Variants in PDGFRA observed in about 807,000 individuals in gnomAD.
The protein encoded by PDGFRA is platelet-derived growth factor receptor alpha.
In PDGFRA, 25 loss-of-function variants were observed where a neutral mutation model predicts 121.5. The ratio of observed to expected loss-of-function variants is 0.21; its 90% confidence interval spans 0.15 to 0.29. The LOEUF (loss-of-function observed/expected upper bound fraction) is 0.29. PDGFRA is among the 10% of genes least tolerant of loss of function. The pLI is 1.00. For missense variants in PDGFRA, 1,008 were observed against 1,345.1 expected (o/e 0.75, Z 3.92); for synonymous variants, 463 against 494.8 (o/e 0.94, Z 0.85).
In PDGFRA at chr4:54,290,426, C is replaced by T. The variant is rs1318848523; in HGVS notation, c.2994C>T (p.Asp998=). 5 of 1,614,076 alleles carry T rather than the reference C, an allele frequency of 3.1e-6. No individual in the cohort carries two copies. The East Asian group carries it at 8.9e-5, about 29-fold the overall frequency. The change falls in exon 22 of 23, where the codon GAC becomes GAT. Residue 998 remains aspartate (D), a synonymous_variant. Coordinates refer to ENST00000257290, the MANE Select transcript of PDGFRA (RefSeq NM_006206.6). The part of the protein sequence containing the change: ...YIGVTYKNEE[D]KLKDWEGGLD... ...GTGTCACCTACAAAAACGAGGAAGA[C>T]AAGCTGAAGGACTGGGAGGGTGGTC...
intron 4 of PDGFRA, chr4:54,264,258 A>G (rs1284162929): frequency 9.0e-6 from 4 of 445,550 alleles, no homozygotes; most frequent in Admixed American, 4.0e-5. Flanking sequence ...CCAGGGGGTT[A>G]GATGCCTAGA....
chr4:54,262,653 C>G lies in PDGFRA; in HGVS notation c.368-1014C>G, dbSNP rs184249222. On this transcript the variant is annotated intron_variant, in intron 3 of 22. Coordinates refer to ENST00000257290, the MANE Select transcript of PDGFRA (RefSeq NM_006206.6). ...TTTACTTTTTCATGATACTCTTATT[C>G]ATATGAACCTTCCTTCTTAACAATT... Among the ~76,000 whole-genome samples the G allele has an allele frequency of 2.6e-5, 4 of 152,114 alleles. 1 individual carries two copies. The East Asian group carries it at 7.7e-4, about 29-fold the overall frequency.
intron 11 of PDGFRA, 99 bp from the exon 12 acceptor site, chr4:54,274,742 G>A: frequency 1.4e-6 from 2 of 1,481,406 alleles, no homozygotes; most frequent in Non-Finnish European, 9.4e-7. Context: ...AGTGAACGTT[G>A]TTGGACTCTA....
In PDGFRA at chr4:54,243,867, CT is replaced by C. The variant is rs1424000842; in HGVS notation, c.-13+14453del. ...AAATCGGGTCACTCCCACCCCAATA[CT>C]GCGCTTTTCCGACGGGCTTAAAAAA... On this transcript the variant is annotated intron_variant, in intron 1 of 22. Transcript: ENST00000257290. Among the ~76,000 whole-genome samples the C allele has an allele frequency of 5.9e-5, 9 of 152,334 alleles. No homozygotes were observed. In the East Asian group the frequency reaches 1.7e-3, roughly 29 times the overall value.
At chr4:54,285,613 C>G (rs1487130500) in intron 17 of PDGFRA, 127 bp downstream of exon 17, 1 of 736,286 alleles carries the variant, frequency 1.4e-6, no homozygotes, top group East Asian at 2.6e-5. Context: ...CTGTCTCTCT[C>G]CTTCATCCCC....
At position 54,280,448 on chromosome 4, in the gene PDGFRA, T is replaced by A. The variant is rs1396132478; in HGVS notation, c.2289T>A (p.Asp763Glu). Residue 763 changes from aspartate to glutamate, a missense_variant, in exon 16 of 23, where the codon GAT becomes GAA. Transcript: ENST00000257290. Reference protein sequence around the residue: ...KYSDIQRSLYDRPASYKKKSM... With the variant: ...KYSDIQRSLYERPASYKKKSM... ...CCGACATCCAGAGATCACTCTATGA[T>A]CGTCCAGCCTCATATAAGAAGAAAT... is the stretch of plus-strand genomic sequence containing the variant. 6.2e-7 allele frequency: 1 copy of A among 1,613,868 alleles called. No homozygotes were observed. Among genetic ancestry groups the A allele is most frequent in the Admixed American group, 1.7e-5 (1 of 60,032 alleles).
chr4:54,257,298 A>T (rs1176252886), intron 1 of PDGFRA, among the ~76,000 whole-genome samples: 1 of 152,270 alleles, frequency 6.6e-6, no homozygotes, highest in Non-Finnish European at 1.5e-5. Flanking sequence ...GAAAATCATG[A>T]ATAATGCACC....
At chr4:54,270,828 G>A in intron 8 of PDGFRA, 80 bp downstream of exon 8, 1 of 815,418 alleles carries the variant, frequency 1.2e-6, no homozygotes, top group Non-Finnish European at 2.1e-6. Context: ...TTTCTCCCCG[G>A]TCATGGAAGA....
chr4:54,262,372 C>T (rs1722800043), intron 3 of PDGFRA, among the ~76,000 whole-genome samples: 1 of 152,088 alleles, frequency 6.6e-6, no homozygotes, highest in Non-Finnish European at 1.5e-5. Flanking sequence ...TGGCCTACTC[C>T]TGCATTTTAA....
intron 1 of PDGFRA, among the ~76,000 whole-genome samples, chr4:54,257,591 C>T (rs576026913): frequency 6.6e-6 from 1 of 152,278 alleles, no homozygotes; most frequent in South Asian, 2.1e-4. Context: ...GGGGGCTCTG[C>T]CCAGGCCCCT....
At chr4:54,272,584 T>C (rs1329194333) in intron 9 of PDGFRA, 64 bp downstream of exon 9, 4 of 1,556,468 alleles carry the variant, frequency 2.6e-6, no homozygotes, top group Non-Finnish European at 3.5e-6. Context: ...ACACAAATGA[T>C]GTCAAATACA....
rs191513917 is a variant in PDGFRA, at chr4:54,287,047, C to T, written c.2563-383C>T. On this transcript the variant is annotated intron_variant, in intron 18 of 22. Transcript: ENST00000257290. The stretch of plus-strand genomic sequence containing the variant: ...TGTGTGATTCATGTACTCATGTGGC[C>T]GTGATAGCTGTAATCGGCTCATAGA... 3.7e-4 allele frequency among the ~76,000 whole-genome samples: 57 copies of T among 152,186 alleles called. 1 individual carries two copies. The highest frequency in any genetic ancestry group is 1.2e-3 in the African/African-American group (48 of 41,518).
chr4:54,235,823 A>C (rs1412767844), intron 1 of PDGFRA, among the ~76,000 whole-genome samples: 1 of 152,222 alleles, frequency 6.6e-6, no homozygotes, highest in African/African-American at 2.4e-5. Context: ...TAAACTATAT[A>C]ATTTAGTCCT....
chr4:54,231,948 C>A lies in PDGFRA; in HGVS notation c.-13+2533C>A, dbSNP rs188700600. 1.2e-3 allele frequency among the ~76,000 whole-genome samples: 178 copies of A among 152,356 alleles called. 3 individuals are homozygous for A. In the East Asian group the frequency reaches 0.024, roughly 20 times the overall value. ...GGGCCGGGCTTTCCAGCTGCAAACA[C>A]GTCTGGCGCCGAGGCGGGCCCATTT... On this transcript the variant is annotated intron_variant, in intron 1 of 22. Transcript: ENST00000257290.
Position 54,229,427 on chromosome 4 carries a change from G to GA in PDGFRA, c.-13+18dup, listed in dbSNP as rs1720535427. ...CATCGGAGGAGAAGGTAAGGGAAAA[G>GA]AAAAAATGATTTTTTGTTTATAAGG... On this transcript the variant is annotated intron_variant, in intron 1 of 22. Coordinates refer to ENST00000257290, the MANE Select transcript of PDGFRA (RefSeq NM_006206.6). The GA allele has an allele frequency of 5.0e-6, 2 of 396,968 alleles. No homozygotes were observed. Among genetic ancestry groups the GA allele is most frequent in the South Asian group, 1.3e-4 (1 of 7,818 alleles). 24.6% of individuals were successfully genotyped at this position (396,968 alleles called of 1,614,324 possible).
intron 1 of PDGFRA, among the ~76,000 whole-genome samples, chr4:54,250,647 C>T (rs980807229): frequency 6.6e-6 from 1 of 152,216 alleles, no homozygotes; most frequent in Non-Finnish European, 1.5e-5. Context: ...CTTTAATCAG[C>T]TGTCCTAAGA....
intron 16 of PDGFRA, 169 bp downstream of exon 16, chr4:54,280,651 G>C: frequency 1.8e-6 from 1 of 569,002 alleles, no homozygotes; most frequent in Non-Finnish European, 3.1e-6. Flanking sequence ...CCAGGTTTGT[G>C]GCCTGTAAAT....
chr4:54,245,465 G>A (rs1721588256), intron 1 of PDGFRA, among the ~76,000 whole-genome samples: 1 of 151,888 alleles, frequency 6.6e-6, no homozygotes. Flanking sequence ...GCCAAACTAA[G>A]CTTCATAAGT....
At chr4:54,248,584 T>TA (rs1369629659) in intron 1 of PDGFRA, among the ~76,000 whole-genome samples, 1 of 152,146 alleles carries the variant, frequency 6.6e-6, no homozygotes, top group East Asian at 1.9e-4. Context: ...ATTAAAGACT[T>TA]AAACGTTAGA....
Sources: gnomAD v4.1 joint callset for allele counts (sites outside exome capture counted in the v4.1 genomes callset) on GRCh38, gnomAD v4.1.1 for gene constraint, MANE v1.5 for transcripts, NCBI Gene and HGNC (gene_info 2026-07-23, HGNC 2026-07-21) for gene names.